Variants in UBAC2 observed in about 807,000 individuals in gnomAD.
UBAC2 encodes the protein UBA domain containing 2.
Under a neutral mutation model 44.0 loss-of-function variants are expected in UBAC2, and 26 were observed. The observed-to-expected ratio is 0.59, with a 90% CI of 0.43 to 0.82. The LOEUF (loss-of-function observed/expected upper bound fraction) is 0.82, where lower values mean the gene tolerates loss of function less well. UBAC2 is among the 40% of genes least tolerant of loss of function. The probability of loss-of-function intolerance (pLI) is 0.00; values close to 1 mark genes in which losing one functional copy is unlikely to be tolerated. For synonymous variants in UBAC2, 155 were observed against 154.3 expected, an observed-to-expected ratio of 1.00 and a Z score of -0.04; for missense variants, 329 against 419.4, an observed-to-expected ratio of 0.78 and a Z score of 1.88.
At chr13:99,261,381 G>C (rs1249317788) in intron 4 of UBAC2, among the ~76,000 whole-genome samples, 1 of 152,200 alleles carries the variant, frequency 6.6e-6, no homozygotes, top group Admixed American at 6.5e-5. Flanking sequence ...GTGTAGGGGA[G>C]ATATGTTGAA....
chr13:99,243,726 G>A (rs1015101725), intron 2 of UBAC2, 106 bp from the exon 3 acceptor site: 1 of 996,530 alleles, frequency 1.0e-6, no homozygotes, highest in Non-Finnish European at 1.5e-6. Flanking sequence ...TTATGATTTT[G>A]TTTAGGACAT....
intron 4 of UBAC2, among the ~76,000 whole-genome samples, chr13:99,251,952 G>A (rs2043463133): frequency 6.6e-6 from 1 of 152,112 alleles, no homozygotes; most frequent in Non-Finnish European, 1.5e-5. Context: ...TAAGAGACAA[G>A]GTCTTGCCAT....
intron 8 of UBAC2, among the ~76,000 whole-genome samples, chr13:99,378,189 G>C (rs1237419014): frequency 6.6e-6 from 1 of 152,152 alleles, no homozygotes; most frequent in Non-Finnish European, 1.5e-5. Context: ...ATTTCACCAT[G>C]GGTCAGTTAA....
At position 99,318,002 on chromosome 13, in the gene UBAC2, C is replaced by CT. The variant is rs761864458; in HGVS notation, c.514-10dup. The CT allele has an allele frequency of 6.6e-3, 8,747 of 1,318,362 alleles. No homozygotes were observed. Among genetic ancestry groups the CT allele is most frequent in the Admixed American group, 7.4e-3 (360 of 48,416 alleles). 81.7% of individuals were successfully genotyped at this position (1,318,362 alleles called of 1,614,324 possible). On this transcript the variant is annotated intron_variant, in intron 5 of 8. Transcript: ENST00000403766. ...GCAGTTGAATTTTATTTTTAGTTGC[C>CT]TTTTTTTTTTCTTTTATAGCTTTTC...
At chr13:99,288,205 G>A (rs1392764489) in intron 4 of UBAC2, among the ~76,000 whole-genome samples, 4 of 152,142 alleles carry the variant, frequency 2.6e-5, no homozygotes, top group Non-Finnish European at 5.9e-5. Context: ...TTCTTGTACA[G>A]AAACCAGAAA....
chr13:99,274,390 G>A (rs1394394035), intron 4 of UBAC2, among the ~76,000 whole-genome samples: 1 of 151,342 alleles, frequency 6.6e-6, no homozygotes, highest in Non-Finnish European at 1.5e-5. Context: ...GGAGTGCAGT[G>A]GCATGATCAC....
chr13:99,369,601 G>C (rs1183968209), intron 8 of UBAC2, among the ~76,000 whole-genome samples: 1 of 152,200 alleles, frequency 6.6e-6, no homozygotes, highest in African/African-American at 2.4e-5. Flanking sequence ...TTCAACTTAT[G>C]ATATTTTCAA....
intron 6 of UBAC2, among the ~76,000 whole-genome samples, chr13:99,338,831 G>A (rs539255376): frequency 2.0e-5 from 3 of 152,280 alleles, no homozygotes; most frequent in African/African-American, 7.2e-5. Context: ...AGATATAGCT[G>A]ACCATCCCTA....
chr13:99,328,544 G>T (rs1453772332), intron 6 of UBAC2, among the ~76,000 whole-genome samples: 1 of 152,136 alleles, frequency 6.6e-6, no homozygotes, highest in East Asian at 1.9e-4. Flanking sequence ...GCTCTATTGG[G>T]TGTGTAGTGG....
intron 4 of UBAC2, among the ~76,000 whole-genome samples, chr13:99,251,867 A>G (rs2043461988): frequency 6.6e-6 from 1 of 152,166 alleles, no homozygotes; most frequent in Non-Finnish European, 1.5e-5. Flanking sequence ...AAAGGGTAGC[A>G]CCGAGAATTA....
chr13:99,341,977 C>A (rs2044897402), intron 7 of UBAC2, among the ~76,000 whole-genome samples: 1 of 152,194 alleles, frequency 6.6e-6, no homozygotes, highest in African/African-American at 2.4e-5. Context: ...GTCTGAGATA[C>A]CTTTGGAATC....
At chr13:99,255,251 A>G in intron 4 of UBAC2, 1 of 1,614,154 alleles carries the variant, frequency 6.2e-7, no homozygotes, top group Non-Finnish European at 8.5e-7. Flanking sequence ...ATAATGACCA[A>G]GTAGCACCCA....
At chr13:99,357,487 T>C (rs1439099236) in intron 7 of UBAC2, among the ~76,000 whole-genome samples, 2 of 152,220 alleles carry the variant, frequency 1.3e-5, no homozygotes, top group Admixed American at 6.5e-5. Flanking sequence ...ACAGCCTCCT[T>C]ATCTGGCCCC....
intron 7 of UBAC2, among the ~76,000 whole-genome samples, chr13:99,353,097 C>T (rs1338182642): frequency 6.6e-6 from 1 of 152,220 alleles, no homozygotes; most frequent in Non-Finnish European, 1.5e-5. Context: ...GCTATGCTTC[C>T]TTGTCAACAA....
chr13:99,263,233 T>G (rs1056952177), intron 4 of UBAC2, among the ~76,000 whole-genome samples: 1 of 152,234 alleles, frequency 6.6e-6, no homozygotes, highest in Admixed American at 6.5e-5. Context: ...TCTTTTTATC[T>G]CCCTGTTTCT....
At chr13:99,326,206 G>GT (rs1488136462) in intron 6 of UBAC2, among the ~76,000 whole-genome samples, 2 of 152,268 alleles carry the variant, frequency 1.3e-5, no homozygotes, top group East Asian at 1.9e-4. Flanking sequence ...GTCTTTTGGT[G>GT]TTTTTTGTTT....
intron 2 of UBAC2, among the ~76,000 whole-genome samples, chr13:99,239,694 G>C (rs574009378): frequency 2.0e-5 from 3 of 152,302 alleles, no homozygotes; most frequent in African/African-American, 7.2e-5. Context: ...GATGGAAGAA[G>C]ACCACTCTTC....
chr13:99,297,960 A>G (rs1333987929), intron 4 of UBAC2, among the ~76,000 whole-genome samples: 2 of 151,542 alleles, frequency 1.3e-5, no homozygotes, highest in South Asian at 2.1e-4. Context: ...CAGAAAAAAT[A>G]GAATTCAAGG....
At chr13:99,358,232 A>G (rs2045216141) in intron 7 of UBAC2, among the ~76,000 whole-genome samples, 1 of 152,234 alleles carries the variant, frequency 6.6e-6, no homozygotes, top group African/African-American at 2.4e-5. Context: ...GGATTCTGAA[A>G]GCAACAGGGA....
Sources: allele counts gnomAD v4.1 joint callset (sites outside exome capture counted in the v4.1 genomes callset), GRCh38; gene constraint gnomAD v4.1.1; transcripts MANE v1.5; gene names NCBI Gene and HGNC (gene_info 2026-07-23, HGNC 2026-07-21).